Variants in ZNF362 observed in about 807,000 individuals in gnomAD.
ZNF362 encodes zinc finger protein 362.
Under a neutral mutation model 42.9 loss-of-function variants are expected in ZNF362, and 11 were observed. The ratio of observed to expected loss-of-function variants is 0.26; its 90% CI spans 0.16 to 0.42. The LOEUF (loss-of-function observed/expected upper bound fraction) is 0.42. Ranked by LOEUF, ZNF362 falls within the 20% of genes least tolerant of loss-of-function variation. ZNF362 has a pLI of 1.00. For synonymous variants in ZNF362, 255 were observed against 257.3 expected (o/e 0.99, Z 0.09); for missense variants, 362 against 576.2 (o/e 0.63, Z 3.81).
At chr1:33,228,928 G>C in the ZNF362 span, among the ~76,000 whole-genome samples, 135,028 of 152,168 alleles carry the variant, frequency 0.89, 60,760 homozygotes, top group South Asian at 0.97. Context: ...CTGCTTGTTC[G>C]GTCCCTCCCT....
the ZNF362 span, among the ~76,000 whole-genome samples, chr1:33,224,784 G>A: frequency 2.2e-3 from 336 of 152,254 alleles, 1 homozygote; most frequent in African/African-American, 5.9e-3. Flanking sequence ...AAGATATCAA[G>A]TCATAAGATG....
chr1:33,240,343 T>G, the ZNF362 span, among the ~76,000 whole-genome samples: 1 of 152,152 alleles, frequency 6.6e-6, no homozygotes, highest in African/African-American at 2.4e-5. Flanking sequence ...TAAAACAGAC[T>G]AAAATTGAGG....
At chr1:33,272,356 TC>T (rs1645910589) in intron 2 of ZNF362, among the ~76,000 whole-genome samples, 1 of 152,212 alleles carries the variant, frequency 6.6e-6, no homozygotes, top group Non-Finnish European at 1.5e-5. Context: ...TGGCTCAGGT[TC>T]CCCAGCGCTG....
chr1:33,271,361 C>G (rs12143373), intron 2 of ZNF362, among the ~76,000 whole-genome samples: 3,071 of 152,318 alleles, frequency 0.02, 54 homozygotes, highest in Middle Eastern at 0.041. Context: ...CTGGCTAACT[C>G]CCACTCATCC....
the ZNF362 span, among the ~76,000 whole-genome samples, chr1:33,242,811 T>C: frequency 6.6e-6 from 1 of 152,186 alleles, no homozygotes; most frequent in Non-Finnish European, 1.5e-5. Context: ...TGGGCAGTTG[T>C]TGTGTTTCTA....
chr1:33,239,700 G>C, the ZNF362 span, among the ~76,000 whole-genome samples: 2 of 152,102 alleles, frequency 1.3e-5, no homozygotes, highest in Non-Finnish European at 2.9e-5. Flanking sequence ...AACAGCATGG[G>C]GGAACCGCCC....
At chr1:33,274,978 C>A (rs1645932854) in intron 2 of ZNF362, 1 of 985,408 alleles carries the variant, frequency 1.0e-6, no homozygotes, top group Non-Finnish European at 1.2e-6. Context: ...TCTCCCGAAG[C>A]CCTATAGCTA....
intron 8 of ZNF362, among the ~76,000 whole-genome samples, chr1:33,298,655 C>G (rs568818587): frequency 6.6e-6 from 1 of 152,372 alleles, no homozygotes; most frequent in South Asian, 2.1e-4. Context: ...GTATACCCAG[C>G]TACATCCAGG....
the ZNF362 span, among the ~76,000 whole-genome samples, chr1:33,133,960 G>A: frequency 6.6e-6 from 1 of 152,196 alleles, no homozygotes. Context: ...ACTCAACCTG[G>A]CGAGCTGCCT....
the ZNF362 span, among the ~76,000 whole-genome samples, chr1:33,171,395 G>A: frequency 6.6e-6 from 1 of 152,108 alleles, no homozygotes; most frequent in East Asian, 1.9e-4. Flanking sequence ...CTCACAGAGG[G>A]GGAAATTGAG....
chr1:33,207,908 C>T, the ZNF362 span, among the ~76,000 whole-genome samples: 5 of 152,138 alleles, frequency 3.3e-5, no homozygotes, highest in African/African-American at 1.2e-4. Context: ...CCTGTTCACT[C>T]TGATGATAGT....
chr1:33,289,932 A>G (rs12730651), intron 6 of ZNF362, among the ~76,000 whole-genome samples: 34,015 of 151,864 alleles, frequency 0.22, 3,895 homozygotes, highest in South Asian at 0.28. Context: ...CTGCCCTGAT[A>G]AAGGGACTTG....
At chr1:33,277,508 A>G (rs539910800) in intron 4 of ZNF362, among the ~76,000 whole-genome samples, 1 of 152,290 alleles carries the variant, frequency 6.6e-6, no homozygotes, top group Non-Finnish European at 1.5e-5. Context: ...AGGGGAGGAA[A>G]CACTCAGATA....
At chr1:33,217,205 C>A in the ZNF362 span, among the ~76,000 whole-genome samples, 1 of 152,168 alleles carries the variant, frequency 6.6e-6, no homozygotes, top group Admixed American at 6.5e-5. Context: ...TCAGTGGAAA[C>A]CTGCTGCCTA....
the ZNF362 span, among the ~76,000 whole-genome samples, chr1:33,167,874 T>C: frequency 6.6e-6 from 1 of 152,218 alleles, no homozygotes; most frequent in Admixed American, 6.5e-5. This position sits in a 1 kb window ranked among gnomAD's most constrained non-coding sequence, Gnocchi z 4.2. Context: ...CAATTATTCA[T>C]TTAAAAAACA....
chr1:33,128,583 C>T, the ZNF362 span, among the ~76,000 whole-genome samples: 1 of 152,180 alleles, frequency 6.6e-6, no homozygotes, highest in East Asian at 1.9e-4. Flanking sequence ...ATACCTGCCC[C>T]ACCCTCTTCC....
At chr1:33,245,223 T>G in the ZNF362 span, among the ~76,000 whole-genome samples, 1 of 152,140 alleles carries the variant, frequency 6.6e-6, no homozygotes, top group South Asian at 2.1e-4. Context: ...TCAACCACCA[T>G]TTAGATGGTA....
chr1:33,236,550 A>AAAAAAAATAT, the ZNF362 span, among the ~76,000 whole-genome samples: 36 of 5,978 alleles, frequency 6.0e-3, 1 homozygote, highest in African/African-American at 0.014. Flanking sequence ...AAAAAAAAAA[A>AAAAAAAATAT]ATATATATAT....
At chr1:33,203,674 G>A in the ZNF362 span, among the ~76,000 whole-genome samples, 1 of 152,126 alleles carries the variant, frequency 6.6e-6, no homozygotes, top group Non-Finnish European at 1.5e-5. Flanking sequence ...TAACAGGTGT[G>A]AGGTGATATC....
Sources: gnomAD v4.1 joint callset for allele counts (sites outside exome capture counted in the v4.1 genomes callset) on GRCh38, gnomAD v4.1.1 for gene constraint, Gnocchi (gnomAD v3.1) non-coding constraint, MANE v1.5 for transcripts, NCBI Gene and HGNC (gene_info 2026-07-23, HGNC 2026-07-21) for gene names.